GCKR: variants seen among roughly 807,000 people sequenced by gnomAD.
The protein encoded by GCKR is glucokinase regulator.
A neutral mutation model predicts 82.9 loss-of-function variants in GCKR; 73 were observed. The ratio of observed to expected loss-of-function variants is 0.88; its 90% CI spans 0.73 to 1.07. GCKR has a LOEUF of 1.07. Ranked by LOEUF, GCKR falls within the 50% of genes least tolerant of loss-of-function variation. GCKR has a pLI of 0.00. For missense variants in GCKR, 784 were observed against 782.1 expected (o/e 1.00, Z -0.03); for synonymous variants, 294 against 291.8 (o/e 1.01, Z -0.08).
In GCKR at chr2:27,523,403, G is replaced by A. The variant is rs537437060; in HGVS notation, c.1842G>A (p.Ala614=). 6.2e-6 allele frequency: 10 copies of A among 1,610,322 alleles called. No individual in the cohort carries two copies. The East Asian group carries it at 1.1e-4, about 18-fold the overall frequency. ...CTGGGCCAGGTCAGAAGCGCACTGC[G>A]GACCCCCTCGAGATCCTAGAGCCTG... ...ALAGPGQKRT[A]DPLEILEPDV... Residue 614 remains alanine (A), a synonymous_variant, in exon 19 of 19, where the codon GCG becomes GCA. Coordinates refer to ENST00000264717, the MANE Select transcript of GCKR (RefSeq NM_001486.4).
intron 16 of GCKR, among the ~76,000 whole-genome samples, chr2:27,512,617 G>A (rs1464714296): frequency 6.6e-6 from 1 of 151,948 alleles, no homozygotes; most frequent in Non-Finnish European, 1.5e-5. Flanking sequence ...AAGAACAAGG[G>A]CATTCACCTA....
chr2:27,504,855 A>G (rs565062056), intron 9 of GCKR, among the ~76,000 whole-genome samples: 3 of 151,584 alleles, frequency 2.0e-5, no homozygotes, highest in Middle Eastern at 3.2e-3. Flanking sequence ...GTCTGGGTGT[A>G]GTGGCTCACG....
chr2:27,507,014 C>T (rs1021852369), intron 12 of GCKR, 129 bp downstream of exon 12: 1 of 784,200 alleles, frequency 1.3e-6, no homozygotes, highest in Non-Finnish European at 2.3e-6. Flanking sequence ...TCTAAATAGG[C>T]ACTTCAGTCA....
intron 4 of GCKR, 138 bp downstream of exon 4, chr2:27,498,461 CA>C: frequency 1.4e-6 from 1 of 701,640 alleles, no homozygotes. Flanking sequence ...TTCTCTCTTC[CA>C]AAAGCTAGAT....
At chr2:27,519,347 G>A (rs1264682495) in intron 17 of GCKR, among the ~76,000 whole-genome samples, 1 of 151,624 alleles carries the variant, frequency 6.6e-6, no homozygotes, top group East Asian at 1.9e-4. Context: ...TATCGCCCAG[G>A]CTGGAGTATA....
chr2:27,521,171 A>G (rs1223733887), intron 17 of GCKR, among the ~76,000 whole-genome samples: 1 of 152,218 alleles, frequency 6.6e-6, no homozygotes, highest in Admixed American at 6.5e-5. Context: ...ATATCTGACT[A>G]ATAATGTTTA....
At chr2:27,498,933 C>A in intron 5 of GCKR, 136 bp downstream of exon 5, 1 of 736,902 alleles carries the variant, frequency 1.4e-6, no homozygotes, top group Non-Finnish European at 2.5e-6. Context: ...CACACTTGGC[C>A]CACTTCACAT....
chr2:27,506,958 T>A (rs535387591), intron 12 of GCKR, 73 bp downstream of exon 12: 12 of 987,756 alleles, frequency 1.2e-5, no homozygotes, highest in Non-Finnish European at 2.0e-5. Context: ...CCAAACACTG[T>A]CCTACTCCCA....
intron 16 of GCKR, among the ~76,000 whole-genome samples, chr2:27,517,013 CTTT>C (rs10549495): frequency 1.9e-4 from 25 of 135,062 alleles, no homozygotes; most frequent in African/African-American, 2.7e-4. Flanking sequence ...GTATTAGTAC[CTTT>C]TTTTTTTTTT....
rs766372966 is a variant in GCKR at position 27,522,496 on chromosome 2, A to G, written c.1609A>G (p.Ser537Gly). 6.2e-7 allele frequency: 1 copy of G among 1,612,896 alleles called. No individual in the cohort carries two copies. Among genetic ancestry groups the G allele is most frequent in the South Asian group, 1.1e-5 (1 of 91,058 alleles). Residue 537 changes from serine (S) to glycine (G), a missense_variant, in exon 18 of 19, where the codon AGC (serine) becomes GGC (glycine). Coordinates refer to ENST00000264717, the MANE Select transcript of GCKR (RefSeq NM_001486.4). ...SGQSKARCIE[S>G]LLRAIHFPQP... The stretch of plus-strand genomic sequence containing the variant: ...ACAGTCCAAGGCTCGATGCATCGAG[A>G]GCCTCCTCCGAGCGATCCACTTTCC...
chr2:27,512,016 A>T (rs1669894577), intron 16 of GCKR, among the ~76,000 whole-genome samples: 1 of 152,036 alleles, frequency 6.6e-6, no homozygotes, highest in South Asian at 2.1e-4. Context: ...CAAGGCAGGC[A>T]GATCACAAGG....
intron 12 of GCKR, 139 bp from the exon 13 acceptor site, chr2:27,507,096 G>T: frequency 3.8e-6 from 3 of 790,448 alleles, no homozygotes; most frequent in Non-Finnish European, 6.9e-6. Flanking sequence ...CTTAACTATG[G>T]CCTCCCACAA....
At position 27,497,343 on chromosome 2, in the gene GCKR, G is replaced by C. The variant is rs748015551; in HGVS notation, c.160G>C (p.Gly54Arg). The change falls in exon 2 of 19, where the codon GGG becomes CGG. Residue 54 changes from glycine to arginine, a missense_variant. Transcript: ENST00000264717. ...TGCTGAGAACATTGTTCGACTGCTA[G>C]GGCAATGTGATGCTGAGATCTTCCA... ...ADAENIVRLL[G>R]QCDAEIFQEE... 1.2e-6 allele frequency: 2 copies of C among 1,614,194 alleles called. No homozygotes were observed. The highest frequency in any genetic ancestry group is 4.5e-5 in the East Asian group (2 of 44,884).
chr2:27,497,625 C>G lies in GCKR; in HGVS notation c.280C>G (p.Leu94Val), dbSNP rs1488867581. Residue 94 changes from leucine (L) to valine (V), a missense_variant, in exon 3 of 19, where the codon CTG (leucine) becomes GTG (valine). Physicochemically the swap from Leu to Val is conservative, Grantham distance 32. Transcript: ENST00000264717. ...GGTGGCTGGGAAAGTTCAGGAAGTG[C>G]TGAAGGTACTAACCTTCCTTCTGTT... ...VQVAGKVQEV[L>V]KEPDGGLVVL... is the part of the protein sequence containing the mutation. 1.3e-6 allele frequency: 2 copies of G among 1,599,828 alleles called. No homozygotes were observed. Among genetic ancestry groups the G allele is most frequent in the Non-Finnish European group, 1.7e-6 (2 of 1,166,934 alleles).
rs1558434378 is a variant in GCKR at position 27,501,151 on chromosome 2, G to A, written c.566G>A (p.Gly189Asp). 1.9e-6 allele frequency: 3 copies of A among 1,613,350 alleles called. No individual in the cohort carries two copies. The highest frequency in any genetic ancestry group is 2.5e-6 in the Non-Finnish European group (3 of 1,179,258). ...CACCATCAGGCTCCCTTTGTGGCAG[G>A]CCAGATGGACTGCTGCATGAACAAC... is the stretch of plus-strand genomic sequence containing the variant. Reference protein sequence around the residue: ...SVGLSAPFVAGQMDCCMNNTA... With the variant: ...SVGLSAPFVADQMDCCMNNTA... Residue 189 changes from glycine (G) to aspartate (D), a missense_variant, in exon 8 of 19, where the codon GGC becomes GAC. Gly to Asp is a moderately conservative substitution (Grantham distance 94, BLOSUM62 -1). Transcript: ENST00000264717.
In GCKR at chr2:27,523,464, G is replaced by A. The variant is rs1184709811; in HGVS notation, c.*25G>A. 2 of 1,599,980 alleles carry A rather than the reference G, an allele frequency of 1.3e-6. No individual in the cohort carries two copies. Among genetic ancestry groups the A allele is most frequent in the South Asian group, 2.2e-5 (2 of 91,032 alleles). On this transcript the variant is annotated 3_prime_UTR_variant, in exon 19 of 19. Coordinates refer to ENST00000264717, the MANE Select transcript of GCKR (RefSeq NM_001486.4). ...AACCCATGTTTCTGGGTGGGTGAAA[G>A]GGGCCCAACCCTGCCCACTTCAGCC... is the stretch of plus-strand genomic sequence containing the variant.
intron 11 of GCKR, 36 bp downstream of exon 11, chr2:27,506,615 C>G (rs1450710178): frequency 7.2e-7 from 1 of 1,381,186 alleles, no homozygotes; most frequent in African/African-American, 1.4e-5. Context: ...AGGATGTGGC[C>G]CGGATGGAGA....
chr2:27,501,059 T>A, intron 7 of GCKR, 76 bp from the exon 8 acceptor site: 1 of 974,492 alleles, frequency 1.0e-6, no homozygotes, highest in Non-Finnish European at 1.7e-6. Flanking sequence ...TCTGAAGGGT[T>A]CTGATGCACT....
At chr2:27,519,450 C>A (rs1445026356) in intron 17 of GCKR, among the ~76,000 whole-genome samples, 2 of 151,972 alleles carry the variant, frequency 1.3e-5, no homozygotes, top group Non-Finnish European at 2.9e-5. Context: ...TACAGGCACC[C>A]CCCACCATGC....
Sources: allele counts gnomAD v4.1 joint callset (sites outside exome capture counted in the v4.1 genomes callset), GRCh38; gene constraint gnomAD v4.1.1; transcripts MANE v1.5; gene names NCBI Gene and HGNC (gene_info 2026-07-23, HGNC 2026-07-21).